The following ZDHHC21 variants were observed in gnomAD, a reference collection of about 807,000 sequenced individuals.
ZDHHC21 encodes the protein zDHHC palmitoyltransferase 21.
Under a neutral mutation model 34.6 loss-of-function variants are expected in ZDHHC21, and 15 were observed. That is an observed-to-expected ratio of 0.43 (90% CI 0.29 to 0.67). ZDHHC21 has a LOEUF of 0.67. ZDHHC21 is among the 30% of genes least tolerant of loss of function. ZDHHC21 has a pLI of 0.14. For synonymous variants in ZDHHC21, 142 were observed against 101.8 expected, an observed-to-expected ratio of 1.40 and a Z score of -2.38; for missense variants, 344 against 327.7, an observed-to-expected ratio of 1.05 and a Z score of -0.38.
chr9:14,634,754 G>A (rs970097143), intron 8 of ZDHHC21, among the ~76,000 whole-genome samples: 9 of 152,060 alleles, frequency 5.9e-5, no homozygotes, highest in South Asian at 4.2e-4. Flanking sequence ...TACAACAGAC[G>A]CATAGATATC....
intron 8 of ZDHHC21, among the ~76,000 whole-genome samples, chr9:14,627,130 A>G (rs1202461570): frequency 6.6e-6 from 1 of 152,100 alleles, no homozygotes; most frequent in East Asian, 1.9e-4. Context: ...GCAAAATTTA[A>G]CTATAGGAAT....
chr9:14,631,646 G>C (rs912445874), intron 8 of ZDHHC21, among the ~76,000 whole-genome samples: 1 of 152,128 alleles, frequency 6.6e-6, no homozygotes, highest in Non-Finnish European at 1.5e-5. Flanking sequence ...TTGATTTAAA[G>C]TGAGAGACAT....
chr9:14,622,746 G>A (rs1825520611), intron 8 of ZDHHC21: 2 of 985,058 alleles, frequency 2.0e-6, no homozygotes, highest in African/African-American at 1.7e-5. Flanking sequence ...TCTCTTTTGA[G>A]TCTGGAAGTA....
intron 5 of ZDHHC21, among the ~76,000 whole-genome samples, chr9:14,665,292 T>C (rs1034600842): frequency 2.3e-5 from 3 of 133,024 alleles, no homozygotes; most frequent in East Asian, 2.1e-4. Flanking sequence ...AAGGGAAGTT[T>C]AGAGAAAAAA....
intron 8 of ZDHHC21, among the ~76,000 whole-genome samples, chr9:14,623,179 G>C: frequency 6.6e-6 from 1 of 150,532 alleles, no homozygotes; most frequent in East Asian, 1.9e-4. Flanking sequence ...AGACAAATGA[G>C]ATTACATCAA....
chr9:14,634,451 G>A (rs1827918502), intron 8 of ZDHHC21, among the ~76,000 whole-genome samples: 1 of 152,134 alleles, frequency 6.6e-6, no homozygotes, highest in South Asian at 2.1e-4. Flanking sequence ...GGTGCCCACG[G>A]ACAGGCCCAC....
At chr9:14,685,428 A>C (rs562519822) in intron 2 of ZDHHC21, among the ~76,000 whole-genome samples, 2,915 of 151,514 alleles carry the variant, frequency 0.019, 38 homozygotes, top group African/African-American at 0.047. Flanking sequence ...GAAGACATTT[A>C]TGCAGCCAAA....
intron 1 of ZDHHC21, among the ~76,000 whole-genome samples, chr9:14,691,880 TA>T: frequency 6.6e-6 from 1 of 152,362 alleles, no homozygotes; most frequent in South Asian, 2.1e-4. Context: ...GGGTCTTATT[TA>T]AAAACATTTT....
the ZDHHC21 span, among the ~76,000 whole-genome samples, chr9:14,603,027 T>C: frequency 6.6e-6 from 1 of 151,594 alleles, no homozygotes; most frequent in Non-Finnish European, 1.5e-5. Context: ...CAGGTCCGCG[T>C]TTCCTGGAGG....
chr9:14,662,562 G>A (rs943624530), intron 5 of ZDHHC21, among the ~76,000 whole-genome samples: 8 of 152,104 alleles, frequency 5.3e-5, no homozygotes, highest in African/African-American at 1.9e-4. Context: ...TATTGTTATA[G>A]TCAAAGTAAG....
chr9:14,604,977 G>T, the ZDHHC21 span, among the ~76,000 whole-genome samples: 1 of 152,034 alleles, frequency 6.6e-6, no homozygotes, highest in Admixed American at 6.6e-5. Flanking sequence ...TCCTTCTGTG[G>T]CTGGCTTATT....
intron 3 of ZDHHC21, among the ~76,000 whole-genome samples, chr9:14,679,527 T>C (rs1837005704): frequency 6.6e-6 from 1 of 152,144 alleles, no homozygotes; most frequent in Non-Finnish European, 1.5e-5. Context: ...AGCCAAACTG[T>C]TCTCAATGGG....
In ZDHHC21 at chr9:14,667,463, C is replaced by A. The variant is rs369826373; in HGVS notation, c.254-5137G>T. Among the ~76,000 whole-genome samples the A allele has an allele frequency of 2.0e-5, 3 of 151,266 alleles. No individual in the cohort carries two copies. The East Asian group carries it at 5.9e-4, about 30-fold the overall frequency. On this transcript the variant is annotated intron_variant, in intron 5 of 9. Transcript: ENST00000380916. Reference sequence around the variant, plus strand: ...CCCTTCCTTCTGAAACTATTCCAATCAATAGAAAAAGAGGGAATCCTCCCT... The same window carrying A: ...CCCTTCCTTCTGAAACTATTCCAATAAATAGAAAAAGAGGGAATCCTCCCT...
chr9:14,660,501 A>G (rs1265648057), intron 6 of ZDHHC21, among the ~76,000 whole-genome samples: 3 of 152,124 alleles, frequency 2.0e-5, no homozygotes, highest in Non-Finnish European at 4.4e-5. Context: ...TGAAAACATC[A>G]AAAATTTTCC....
chr9:14,653,386 T>C (rs781670674), intron 7 of ZDHHC21, among the ~76,000 whole-genome samples: 5 of 152,050 alleles, frequency 3.3e-5, no homozygotes, highest in Admixed American at 1.3e-4. Context: ...AAATTATTGG[T>C]AATTTTTTTC....
intron 8 of ZDHHC21, among the ~76,000 whole-genome samples, chr9:14,636,922 T>G (rs1161565281): frequency 6.6e-6 from 1 of 152,068 alleles, no homozygotes; most frequent in Non-Finnish European, 1.5e-5. Context: ...GAGGGAAGTT[T>G]ACAGTAATAA....
chr9:14,679,971 CA>C (rs1387156221), intron 3 of ZDHHC21, 61 bp downstream of exon 3: 4 of 152,592 alleles, frequency 2.6e-5, no homozygotes, highest in African/African-American at 9.6e-5. Context: ...CATAAGACTC[CA>C]AGGATACTAT....
In ZDHHC21 at chr9:14,674,258, A is replaced by T; in HGVS notation, c.83T>A (p.Ile28Asn). The change falls in exon 4 of 10, where the codon ATT (isoleucine) becomes AAT (asparagine). Residue 28 changes from isoleucine to asparagine, a missense_variant. Physicochemically the swap from Ile to Asn is moderately radical, Grantham distance 149. Coordinates refer to ENST00000380916, the MANE Select transcript of ZDHHC21 (RefSeq NM_178566.6). The stretch of plus-strand genomic sequence containing the variant: ...GAGGACAATTTTGGGAATTAAAACA[A>T]TATTGTATAACCAAACAAAGACAAT... ...GLIVFVWLYN[I>N]VLIPKIVLFP... The T allele has an allele frequency of 1.3e-6, 2 of 1,597,528 alleles. No individual in the cohort carries two copies. Among genetic ancestry groups the T allele is most frequent in the Non-Finnish European group, 1.7e-6 (2 of 1,173,714 alleles).
intron 5 of ZDHHC21, among the ~76,000 whole-genome samples, chr9:14,669,454 A>G (rs891017656): frequency 1.3e-5 from 2 of 149,766 alleles, no homozygotes; most frequent in South Asian, 2.2e-4. Context: ...GCGATTCCTC[A>G]GGGATCTAGA....
Sources: gnomAD v4.1 joint callset for allele counts (sites outside exome capture counted in the v4.1 genomes callset) on GRCh38, gnomAD v4.1.1 for gene constraint, MANE v1.5 for transcripts, NCBI Gene and HGNC (gene_info 2026-07-23, HGNC 2026-07-21) for gene names.